The following SORL1 variants were observed in gnomAD, a reference collection of about 807,000 sequenced individuals.
The protein encoded by SORL1 is sortilin related receptor 1.
In SORL1, 127 loss-of-function variants were observed where a neutral mutation model predicts 273.7. The observed-to-expected ratio is 0.46, with a 90% CI of 0.40 to 0.54. The LOEUF (loss-of-function observed/expected upper bound fraction) is 0.54, where lower values mean the gene tolerates loss of function less well. Among genes scored for constraint, SORL1 ranks in the 20% least tolerant of loss-of-function variants. SORL1 has a pLI of 0.00. For missense variants in SORL1, 2,494 were observed against 2,846.1 expected (o/e 0.88, Z 2.81); for synonymous variants, 1,031 against 1,067.4 (o/e 0.97, Z 0.66).
intron 24 of SORL1, 44 bp downstream of exon 24, chr11:121,574,407 G>A (rs752991117): frequency 3.8e-6 from 6 of 1,591,064 alleles, no homozygotes; most frequent in African/African-American, 2.7e-5. Flanking sequence ...GGAGAGGGGG[G>A]TCATTGTGCT....
In SORL1 at chr11:121,570,207, A is replaced by G. The variant is rs1211687990; in HGVS notation, c.3274A>G (p.Asn1092Asp). Residue 1092 changes from asparagine (N) to aspartate (D), a missense_variant, in exon 23 of 48, where the codon AAC becomes GAC. Asn to Asp is a conservative substitution (Grantham distance 23). This residue lies in a region of SORL1 where 1,609 missense variants were observed against 1,816.4 expected (regional missense o/e 0.89). Coordinates refer to ENST00000260197, the MANE Select transcript of SORL1 (RefSeq NM_003105.6). ...TCGCTGCAGCAACGGGAACTGTATC[A>G]ACAGCATTTGGTGGTGTGACTTTGA... Reference protein sequence around the residue: ...QYRCSNGNCINSIWWCDFDND... With the variant: ...QYRCSNGNCIDSIWWCDFDND... The G allele has an allele frequency of 6.2e-7, 1 of 1,614,102 alleles. No individual in the cohort carries two copies. Among genetic ancestry groups the G allele is most frequent in the Admixed American group, 1.7e-5 (1 of 60,024 alleles).
In SORL1 at chr11:121,574,362, T is replaced by C. The variant is rs916315277; in HGVS notation, c.3459T>C (p.Cys1153=). The part of the protein sequence containing the change: ...DCGDNSDESH[C]EMHQCRSDEY... ...GAGACAACAGTGATGAAAGTCATTGTGGTAAGGGGACATCACATCCTGAAA... is the reference window on the plus strand; with the variant it reads ...GAGACAACAGTGATGAAAGTCATTGCGGTAAGGGGACATCACATCCTGAAA... Residue 1153 remains cysteine (C), a splice_region_variant and synonymous_variant, in exon 24 of 48, where the codon TGT becomes TGC. Transcript: ENST00000260197. 3 of 1,613,274 alleles carry C rather than the reference T, an allele frequency of 1.9e-6. No individual in the cohort carries two copies. The highest frequency in any genetic ancestry group is 2.5e-6 in the Non-Finnish European group (3 of 1,179,310).
chr11:121,585,165 A>T (rs967933550), intron 26 of SORL1, among the ~76,000 whole-genome samples: 7 of 152,188 alleles, frequency 4.6e-5, no homozygotes, highest in Non-Finnish European at 7.3e-5. Context: ...TTTTCTATTC[A>T]TTGAAGCTTT....
At chr11:121,497,963 C>T (rs996364645) in intron 6 of SORL1, among the ~76,000 whole-genome samples, 1 of 152,102 alleles carries the variant, frequency 6.6e-6, no homozygotes, top group Non-Finnish European at 1.5e-5. Flanking sequence ...AGTAGGTCAA[C>T]CTTCTTAGTA....
intron 1 of SORL1, among the ~76,000 whole-genome samples, chr11:121,453,710 G>A (rs529922459): frequency 6.6e-6 from 1 of 152,224 alleles, no homozygotes; most frequent in African/African-American, 2.4e-5. Context: ...GATCCAGGAC[G>A]AACCTTGTAA....
intron 47 of SORL1, chr11:121,629,268 C>A: frequency 2.0e-6 from 1 of 504,504 alleles, no homozygotes; most frequent in Admixed American, 3.7e-5. Context: ...TACGTTCAAA[C>A]GACCACTAAA....
rs899962991 is a variant in SORL1, at chr11:121,509,086, G to A, written c.940-3917G>A. 4.0e-5 allele frequency among the ~76,000 whole-genome samples: 6 copies of A among 150,378 alleles called. No individual in the cohort carries two copies. The East Asian group carries it at 5.8e-4, about 15-fold the overall frequency. Reference sequence around the variant, plus strand: ...TTTTTCCCCCTGGAATATCCCAGATGTCAGATTTTAGCTATGTTTCATTTA... The same window carrying A: ...TTTTTCCCCCTGGAATATCCCAGATATCAGATTTTAGCTATGTTTCATTTA... On this transcript the variant is annotated intron_variant, in intron 6 of 47. Coordinates refer to ENST00000260197, the MANE Select transcript of SORL1 (RefSeq NM_003105.6).
intron 22 of SORL1, among the ~76,000 whole-genome samples, 195 bp downstream of exon 22, chr11:121,567,308 C>T (rs1038849656): frequency 2.0e-5 from 3 of 152,146 alleles, no homozygotes; most frequent in African/African-American, 7.2e-5. Context: ...TCAAAGAGGC[C>T]CTTCAGTCCT....
intron 32 of SORL1, 59 bp from the exon 33 acceptor site, chr11:121,604,134 C>A: frequency 6.3e-7 from 1 of 1,587,484 alleles, no homozygotes; most frequent in East Asian, 2.3e-5. Flanking sequence ...AACTTGGGCC[C>A]AGCCTTTAGT....
At chr11:121,590,862 C>T (rs1863201381) in intron 30 of SORL1, 139 bp from the exon 31 acceptor site, 1 of 890,498 alleles carries the variant, frequency 1.1e-6, no homozygotes, top group East Asian at 2.4e-5. Context: ...TTAGCCGCTG[C>T]TCAGAGCTGT....
intron 12 of SORL1, among the ~76,000 whole-genome samples, chr11:121,535,136 G>T (rs955259636): frequency 2.0e-5 from 3 of 151,690 alleles, no homozygotes; most frequent in Non-Finnish European, 4.4e-5. Flanking sequence ...GACCGAGCTA[G>T]TGTGCCAATT....
intron 28 of SORL1, among the ~76,000 whole-genome samples, chr11:121,588,786 C>T (rs1050350532): frequency 5.3e-5 from 8 of 152,162 alleles, no homozygotes; most frequent in Admixed American, 2.0e-4. Flanking sequence ...TGGGTTCCTC[C>T]GAGGCCTCTC....
At chr11:121,582,249 A>G (rs538248424) in intron 25 of SORL1, among the ~76,000 whole-genome samples, 14 of 152,268 alleles carry the variant, frequency 9.2e-5, no homozygotes, top group Non-Finnish European at 1.9e-4. Flanking sequence ...TGAGGACATC[A>G]TAAACCAATT....
At chr11:121,496,196 CAG>C (rs1401720055) in intron 5 of SORL1, among the ~76,000 whole-genome samples, 1 of 152,170 alleles carries the variant, frequency 6.6e-6, no homozygotes, top group African/African-American at 2.4e-5. Context: ...ATGGAGGGAT[CAG>C]AGTGCGTGCA....
chr11:121,464,159 G>A (rs1591544636), intron 1 of SORL1, among the ~76,000 whole-genome samples: 1 of 152,234 alleles, frequency 6.6e-6, no homozygotes, highest in Admixed American at 6.5e-5. Context: ...GGAGGAGGCT[G>A]TGTAGGAGTT....
intron 6 of SORL1, among the ~76,000 whole-genome samples, chr11:121,501,979 T>A (rs1214143159): frequency 6.6e-6 from 1 of 152,146 alleles, no homozygotes; most frequent in East Asian, 1.9e-4. Context: ...CATCTATTAG[T>A]TGGTGGCCAT....
intron 5 of SORL1, among the ~76,000 whole-genome samples, chr11:121,494,925 G>C (rs1489913232): frequency 6.6e-6 from 1 of 152,114 alleles, no homozygotes; most frequent in African/African-American, 2.4e-5. Context: ...GAAAAGAAGA[G>C]AACATGCCAC....
chr11:121,473,951 G>A (rs898515869), intron 2 of SORL1, among the ~76,000 whole-genome samples: 4 of 152,146 alleles, frequency 2.6e-5, no homozygotes, highest in African/African-American at 9.7e-5. Flanking sequence ...TGCAGGATAG[G>A]ACTTTCTGCT....
At chr11:121,463,679 G>A (rs1591544455) in intron 1 of SORL1, among the ~76,000 whole-genome samples, 1 of 152,200 alleles carries the variant, frequency 6.6e-6, no homozygotes, top group Non-Finnish European at 1.5e-5. Flanking sequence ...CAGCAAAGTA[G>A]TTCAGGAGTT....
Sources: allele counts gnomAD v4.1 joint callset (sites outside exome capture counted in the v4.1 genomes callset), GRCh38; gene constraint gnomAD v4.1.1; regional missense constraint gnomAD v4.1.1; transcripts MANE v1.5; gene names NCBI Gene and HGNC (gene_info 2026-07-23, HGNC 2026-07-21).